Variants in PCDH11X observed in about 807,000 individuals in gnomAD.
The protein encoded by PCDH11X is protocadherin 11 X-linked.
A neutral mutation model predicts 53.3 loss-of-function variants in PCDH11X; 18 were observed. The observed-to-expected ratio is 0.34, with a 90% CI of 0.23 to 0.50. PCDH11X has a LOEUF of 0.50. PCDH11X is among the 20% of genes least tolerant of loss of function. The pLI, the probability that PCDH11X is intolerant of heterozygous loss-of-function variation, is 0.98. For synonymous variants in PCDH11X, 279 were observed against 393.3 expected, an observed-to-expected ratio of 0.71 and a Z score of 3.44; for missense variants, 570 against 1,032.4, an observed-to-expected ratio of 0.55 and a Z score of 6.14.
At chrX:92,401,951 G>T in intron 9 of PCDH11X, among the ~76,000 whole-genome samples, 1 of 111,789 alleles carries the variant, frequency 8.9e-6, no homozygotes, top group Non-Finnish European at 1.9e-5. Context: ...ATGGCCTTAA[G>T]CTGGTTACAT....
At chrX:91,845,344 G>T (rs1335512273) in intron 5 of PCDH11X, among the ~76,000 whole-genome samples, 1 of 108,816 alleles carries the variant, frequency 9.2e-6, no homozygotes, top group Non-Finnish European at 1.9e-5. Flanking sequence ...GTTTCAGGAG[G>T]CATTTAAATC....
At position 92,143,234 on chromosome X, in the gene PCDH11X, T is replaced by C. The variant is rs72605190; in HGVS notation, c.3034-58141T>C. On this transcript the variant is annotated intron_variant, in intron 6 of 10. Coordinates refer to ENST00000682573, the MANE Select transcript of PCDH11X (RefSeq NM_032968.5). ...GGTCAAGGCTGCAGTGAGCTGTGAC[T>C]GTGAAACTGGACTCCAAACTGGGCA... Among the ~76,000 whole-genome samples, 39 of 112,304 alleles carry C rather than the reference T, an allele frequency of 3.5e-4. 1 individual carries two copies. The highest frequency in any genetic ancestry group is 2.0e-3 in the East Asian group (7 of 3,538).
chrX:92,113,920 A>T lies in PCDH11X; in HGVS notation c.3034-87455A>T. On this transcript the variant is annotated intron_variant, in intron 6 of 10. Coordinates refer to ENST00000682573, the MANE Select transcript of PCDH11X (RefSeq NM_032968.5). ...GCTTAACATTTCGTCAGCTTCATCC[A>T]GTACAAACATCTTGATGTATTTGGG... 2.5e-6 allele frequency: 3 copies of T among 1,204,125 alleles called. No individual in the cohort carries two copies. The East Asian group carries it at 8.9e-5, about 36-fold the overall frequency.
intron 6 of PCDH11X, among the ~76,000 whole-genome samples, chrX:92,183,169 CT>C (rs1264822789): frequency 1.8e-5 from 2 of 109,688 alleles, no homozygotes; most frequent in East Asian, 5.7e-4. Context: ...TCATTTTGCT[CT>C]TGGATTACTA....
At chrX:92,020,737 C>T (rs1347089579) in intron 6 of PCDH11X, among the ~76,000 whole-genome samples, 1 of 110,809 alleles carries the variant, frequency 9.0e-6, no homozygotes, top group African/African-American at 3.3e-5. Context: ...TGCCACCCAA[C>T]TGGGTGAGAC....
intron 8 of PCDH11X, among the ~76,000 whole-genome samples, chrX:92,266,831 A>G (rs1485411145): frequency 9.3e-6 from 1 of 107,293 alleles, no homozygotes; most frequent in African/African-American, 3.4e-5. Context: ...TGCAACCTCT[A>G]CCTCCCAGGT....
At chrX:92,201,593 A>G (rs1406590099) in intron 7 of PCDH11X, 138 bp downstream of exon 7, 1 of 382,741 alleles carries the variant, frequency 2.6e-6, no homozygotes, top group Non-Finnish European at 4.5e-6. Context: ...TGGACTCAAA[A>G]TTTACTGTTG....
chrX:92,036,626 A>G (rs1458952669), intron 6 of PCDH11X, among the ~76,000 whole-genome samples: 1 of 108,229 alleles, frequency 9.2e-6, no homozygotes, highest in African/African-American at 3.4e-5. Flanking sequence ...AGTCTTGGGT[A>G]TGTCTTTATC....
intron 6 of PCDH11X, among the ~76,000 whole-genome samples, chrX:92,123,372 G>A (rs2064806194): frequency 9.0e-6 from 1 of 110,990 alleles, no homozygotes; most frequent in Admixed American, 9.7e-5. Flanking sequence ...CCACCTACTC[G>A]ACCTGTAAGT....
intron 6 of PCDH11X, among the ~76,000 whole-genome samples, chrX:91,910,391 C>T (rs1021456557): frequency 1.8e-5 from 2 of 109,710 alleles, no homozygotes; most frequent in East Asian, 2.9e-4. Context: ...TTCACATATG[C>T]GGTGAAATGT....
In PCDH11X at chrX:91,835,990, G is replaced by A. The variant is rs371329303; in HGVS notation, c.486G>A (p.Ala162=). 7 of 1,208,465 alleles carry A rather than the reference G, an allele frequency of 5.8e-6. No individual in the cohort carries two copies. The highest frequency in any genetic ancestry group is 5.9e-5 in the East Asian group (2 of 33,720). The change falls in exon 5 of 11, where the codon GCG becomes GCA. Residue 162 remains alanine, a synonymous_variant. Transcript: ENST00000682573. ...SAINSKYTLP[A]AVDPDVGING... The stretch of plus-strand genomic sequence containing the variant: ...TAAACTCTAAATATACTCTCCCAGC[G>A]GCTGTTGATCCTGACGTAGGAATAA...
At chrX:92,363,509 ACT>A (rs2070393455) in intron 8 of PCDH11X, among the ~76,000 whole-genome samples, 2 of 102,651 alleles carry the variant, frequency 1.9e-5, no homozygotes, top group South Asian at 8.6e-4. Context: ...GTATCCTGCA[ACT>A]CTGCTGATTT....
At chrX:91,932,671 AGT>A (rs67334455) in intron 6 of PCDH11X, among the ~76,000 whole-genome samples, 7,612 of 94,511 alleles carry the variant, frequency 0.081, 672 homozygotes, top group African/African-American at 0.25. Flanking sequence ...GCATTGTGTG[AGT>A]GTGTGTGTGT....
At chrX:92,357,129 TTA>T (rs200482414) in intron 8 of PCDH11X, among the ~76,000 whole-genome samples, 6,770 of 95,138 alleles carry the variant, frequency 0.071, 208 homozygotes, top group African/African-American at 0.12. Context: ...CTTTTTTTTT[TTA>T]AAAAAAAGCC....
At chrX:92,015,838 T>A (rs1337338646) in intron 6 of PCDH11X, among the ~76,000 whole-genome samples, 2 of 111,978 alleles carry the variant, frequency 1.8e-5, no homozygotes, top group Non-Finnish European at 3.8e-5. Flanking sequence ...TCATGAATGT[T>A]CTTCATGGGA....
At position 92,567,827 on chromosome X, in the gene PCDH11X, C is replaced by T. The variant is rs1309952396; in HGVS notation, c.3368-50437C>T. ...CATGGGCACATGGGTGGGAACAACACACACTGGGGCCTGCTGGAGGAGGAG... is the reference window on the plus strand; with the variant it reads ...CATGGGCACATGGGTGGGAACAACATACACTGGGGCCTGCTGGAGGAGGAG... On this transcript the variant is annotated intron_variant, in intron 10 of 10. Transcript: ENST00000682573. Among the ~76,000 whole-genome samples the T allele has an allele frequency of 1.7e-4, 17 of 97,619 alleles. 1 individual carries two copies. The highest frequency in any genetic ancestry group is 6.4e-4 in the African/African-American group (17 of 26,754). The allele number at this position is 97,619 out of a possible 115,157, so 84.8% of individuals were successfully genotyped here. A position where few individuals can be genotyped will look rare whatever the true frequency, so the allele number is the denominator to read the frequency against.
chrX:92,154,710 C>T (rs1343980584), intron 6 of PCDH11X, among the ~76,000 whole-genome samples: 2 of 109,731 alleles, frequency 1.8e-5, no homozygotes, highest in African/African-American at 6.7e-5. Context: ...AATAGCTCGC[C>T]CGGCAGGCCA....
At chrX:92,376,614 A>G (rs1207418199) in intron 8 of PCDH11X, among the ~76,000 whole-genome samples, 6 of 111,978 alleles carry the variant, frequency 5.4e-5, no homozygotes, top group Non-Finnish European at 9.4e-5. Context: ...GGTGAAGTCT[A>G]GATTAATAAA....
intron 10 of PCDH11X, among the ~76,000 whole-genome samples, chrX:92,610,330 G>T (rs1927239941): frequency 9.1e-6 from 1 of 109,876 alleles, no homozygotes; most frequent in African/African-American, 3.3e-5. Context: ...GTTTTGATTT[G>T]CATTTATCTG....
Sources: gnomAD v4.1 joint callset for allele counts (sites outside exome capture counted in the v4.1 genomes callset) on GRCh38, gnomAD v4.1.1 for gene constraint, MANE v1.5 for transcripts, NCBI Gene and HGNC (gene_info 2026-07-23, HGNC 2026-07-21) for gene names.